Variants in TBC1D32 observed in about 807,000 individuals in gnomAD.
The protein encoded by TBC1D32 is protein broad-minded.
TBC1D32 carries 151 observed loss-of-function variants against 170.3 expected under a neutral mutation model. The ratio of observed to expected loss-of-function variants is 0.89; its 90% CI spans 0.78 to 1.01. The LOEUF is 1.01. Ranked by LOEUF, TBC1D32 falls within the 50% of genes least tolerant of loss-of-function variation. The probability of loss-of-function intolerance (pLI) is 0.00; values close to 1 mark genes in which losing one functional copy is unlikely to be tolerated. For missense variants in TBC1D32, 1,464 were observed against 1,457.1 expected (o/e 1.00, Z -0.08); for synonymous variants, 498 against 488.0 (o/e 1.02, Z -0.27).
rs1427164738 is a variant in TBC1D32, at chr6:121,104,079, G to T, written c.3465+1944C>A. ...AACTTCAGAAAGTTTAAAATAGGAA[G>T]AATAATCTCATACAAATAAATTTAA... On this transcript the variant is annotated intron_variant, in intron 30 of 31. Transcript: ENST00000398212. Among the ~76,000 whole-genome samples the T allele has an allele frequency of 2.6e-5, 4 of 151,720 alleles. No homozygotes were observed. In the East Asian group the frequency reaches 7.7e-4, roughly 29 times the overall value.
At chr6:121,133,701 A>T (rs1175991748) in intron 24 of TBC1D32, among the ~76,000 whole-genome samples, 1 of 152,088 alleles carries the variant, frequency 6.6e-6, no homozygotes, top group Non-Finnish European at 1.5e-5. Context: ...GAATACACAG[A>T]TACATACACC....
intron 22 of TBC1D32, among the ~76,000 whole-genome samples, chr6:121,187,699 A>G (rs2128281692): frequency 6.6e-6 from 1 of 151,548 alleles, no homozygotes; most frequent in Admixed American, 6.6e-5. Flanking sequence ...AAGAGAGAAA[A>G]GAAATTCCCA....
In TBC1D32 at chr6:121,299,469, G is replaced by T. The variant is rs1465746575; in HGVS notation, c.1117C>A (p.Leu373Ile). The T allele has an allele frequency of 6.6e-7, 1 of 1,509,270 alleles. No homozygotes were observed. Among genetic ancestry groups the T allele is most frequent in the Non-Finnish European group, 9.1e-7 (1 of 1,103,150 alleles). The allele number at this position is 1,509,270 out of a possible 1,614,324, so 93.5% of individuals were successfully genotyped here. A position where few individuals can be genotyped will look rare whatever the true frequency, so the allele number is the denominator to read the frequency against. Reference protein sequence around the residue: ...HYSRTTVLRLLETKYKSLVTT... With the variant: ...HYSRTTVLRLIETKYKSLVTT... Reference sequence around the variant, plus strand: ...ACCAGAGACTTATATTTCGTTTCAAGAAGTCTTAATACTGTAGTTCTGCTA... The same window carrying T: ...ACCAGAGACTTATATTTCGTTTCAATAAGTCTTAATACTGTAGTTCTGCTA... Residue 373 changes from leucine (L) to isoleucine (I), a missense_variant, in exon 10 of 32, where the codon CTT becomes ATT. Leu to Ile is a conservative substitution (Grantham distance 5). Around this residue, in one of 3 missense-constraint regions of TBC1D32, gnomAD observed 1,363 missense variants for 1,338.1 expected, o/e 1.02. Transcript: ENST00000398212.
At chr6:121,160,137 G>T in intron 23 of TBC1D32, 34 bp from the exon 24 acceptor site, 2 of 1,323,684 alleles carry the variant, frequency 1.5e-6, no homozygotes, top group Non-Finnish European at 1.1e-6. Context: ...ACTTTAGGAA[G>T]TGGTCTAAAA....
chr6:121,312,668 A>C (rs1432351968), intron 3 of TBC1D32, among the ~76,000 whole-genome samples: 2 of 152,216 alleles, frequency 1.3e-5, no homozygotes, highest in Non-Finnish European at 2.9e-5. Flanking sequence ...GAAAGTCCAG[A>C]TGTCTCAGTA....
intron 31 of TBC1D32, among the ~76,000 whole-genome samples, chr6:121,084,796 A>ATC (rs1562422465): frequency 6.6e-6 from 1 of 152,162 alleles, no homozygotes; most frequent in Admixed American, 6.6e-5. Flanking sequence ...GCACAAAAAG[A>ATC]TCAAGTGTGC....
intron 26 of TBC1D32, among the ~76,000 whole-genome samples, chr6:121,120,539 A>G (rs1040814386): frequency 6.6e-6 from 1 of 151,982 alleles, no homozygotes; most frequent in Non-Finnish European, 1.5e-5. Context: ...CTCATTTCCT[A>G]TTACTTCCCA....
At chr6:121,091,136 G>T in intron 30 of TBC1D32, 95 bp from the exon 31 acceptor site, 3 of 986,246 alleles carry the variant, frequency 3.0e-6, no homozygotes, top group South Asian at 3.3e-5. Flanking sequence ...CAAAACCAGT[G>T]AAAAGCTTAG....
chr6:121,266,610 C>T (rs1343470853), intron 15 of TBC1D32, among the ~76,000 whole-genome samples: 1 of 152,062 alleles, frequency 6.6e-6, no homozygotes, highest in Non-Finnish European at 1.5e-5. Context: ...GATACATGGA[C>T]ATGTATGTTT....
chr6:121,188,567 A>T (rs1789523279), intron 22 of TBC1D32, among the ~76,000 whole-genome samples: 1 of 152,082 alleles, frequency 6.6e-6, no homozygotes. Context: ...GCTGAAAGTT[A>T]AACAAATCAA....
At chr6:121,159,653 C>A (rs1389600626) in intron 24 of TBC1D32, among the ~76,000 whole-genome samples, 1 of 152,046 alleles carries the variant, frequency 6.6e-6, no homozygotes, top group African/African-American at 2.4e-5. Context: ...TGCTCCTAGG[C>A]TACAAGTCTA....
chr6:121,277,510 A>C (rs781665973), intron 15 of TBC1D32, among the ~76,000 whole-genome samples: 4,058 of 148,016 alleles, frequency 0.027, 155 homozygotes, highest in East Asian at 0.1. Flanking sequence ...AAAAAAAAAA[A>C]CCACAAGGGT....
intron 24 of TBC1D32, among the ~76,000 whole-genome samples, chr6:121,159,749 T>C (rs1785372644): frequency 6.6e-6 from 1 of 152,162 alleles, no homozygotes; most frequent in African/African-American, 2.4e-5. Context: ...TTTTAAAAGG[T>C]ACAGTAAAAA....
At chr6:121,303,469 C>A in intron 9 of TBC1D32, 148 bp downstream of exon 9, 1 of 650,084 alleles carries the variant, frequency 1.5e-6, no homozygotes, top group Non-Finnish European at 2.2e-6. Flanking sequence ...TTAATACCAC[C>A]AACCTCGTAA....
chr6:121,200,827 A>AT, intron 22 of TBC1D32, among the ~76,000 whole-genome samples: 2 of 151,612 alleles, frequency 1.3e-5, no homozygotes, highest in Middle Eastern at 6.8e-3. Context: ...TAGTCAAGAC[A>AT]TAAAAAACAA....
intron 22 of TBC1D32, among the ~76,000 whole-genome samples, chr6:121,183,034 GAC>G (rs1394183433): frequency 8.0e-5 from 2 of 25,126 alleles, no homozygotes; most frequent in Non-Finnish European, 1.5e-4. Flanking sequence ...GAAAGAGACA[GAC>G]TGTGTGTGTG....
At chr6:121,081,716 T>A (rs577552543) in intron 31 of TBC1D32, among the ~76,000 whole-genome samples, 2 of 152,050 alleles carry the variant, frequency 1.3e-5, no homozygotes, top group Admixed American at 6.6e-5. Context: ...TAGAGGCAGT[T>A]TATACAGAAG....
At chr6:121,092,846 G>A (rs1379664321) in intron 30 of TBC1D32, among the ~76,000 whole-genome samples, 1 of 152,146 alleles carries the variant, frequency 6.6e-6, no homozygotes, top group African/African-American at 2.4e-5. Flanking sequence ...TTCTGAAGTA[G>A]TGGGGTTAGG....
At chr6:121,315,882 A>T (rs1212083136) in intron 3 of TBC1D32, among the ~76,000 whole-genome samples, 1 of 152,120 alleles carries the variant, frequency 6.6e-6, no homozygotes, top group Non-Finnish European at 1.5e-5. Flanking sequence ...TCTGGCACTC[A>T]TATGTTTCTT....
Sources: allele counts gnomAD v4.1 joint callset (sites outside exome capture counted in the v4.1 genomes callset), GRCh38; gene constraint gnomAD v4.1.1; regional missense constraint gnomAD v4.1.1; transcripts MANE v1.5; gene names NCBI Gene and HGNC (gene_info 2026-07-23, HGNC 2026-07-21).